CSMD1: variants seen among roughly 807,000 people sequenced by gnomAD.
The protein encoded by CSMD1 is CUB and Sushi multiple domains 1.
A neutral mutation model predicts 417.5 loss-of-function variants in CSMD1; 213 were observed. That is an observed-to-expected ratio of 0.51 (90% CI 0.46 to 0.57). The LOEUF is 0.57. CSMD1 is among the 20% of genes least tolerant of loss of function. CSMD1 has a pLI of 0.00. For missense variants in CSMD1, 6,923 were observed against 4,529.7 expected, an observed-to-expected ratio of 1.53 and a Z score of -15.17; for synonymous variants, 2,862 against 1,736.8, an observed-to-expected ratio of 1.65 and a Z score of -16.11.
At chr8:3,392,669 T>A (rs1811421451) in intron 17 of CSMD1, among the ~76,000 whole-genome samples, 1 of 152,084 alleles carries the variant, frequency 6.6e-6, no homozygotes, top group African/African-American at 2.4e-5. Context: ...GGATTCTGAT[T>A]TTCATCATGA....
chr8:4,394,610 G>T (rs1186734714), intron 3 of CSMD1, among the ~76,000 whole-genome samples: 1 of 152,124 alleles, frequency 6.6e-6, no homozygotes, highest in Non-Finnish European at 1.5e-5. Flanking sequence ...AGGAAGGTGA[G>T]ATGTTGTCAT....
rs775795930 is a variant in CSMD1, at chr8:3,189,056, A to T, written c.5399-45T>A. 2.5e-6 allele frequency: 4 copies of T among 1,571,208 alleles called. No individual in the cohort carries two copies. In the African/African-American group the frequency reaches 5.4e-5, roughly 21 times the overall value. On this transcript the variant is annotated intron_variant, in intron 34 of 69. Transcript: ENST00000635120. ...GTCATGAAATAAAGTGCTGTGGGAC[A>T]GTGTTGATTTGGCATGCAGTTTTCT...
At chr8:4,956,957 T>C (rs1196118345) in intron 1 of CSMD1, among the ~76,000 whole-genome samples, 2 of 152,174 alleles carry the variant, frequency 1.3e-5, no homozygotes, top group African/African-American at 2.4e-5. Flanking sequence ...AAGCAGCTAT[T>C]TGGGAAGCCT....
At chr8:3,081,590 T>G (rs1033895157) in intron 49 of CSMD1, among the ~76,000 whole-genome samples, 6 of 152,254 alleles carry the variant, frequency 3.9e-5, no homozygotes, top group Non-Finnish European at 8.8e-5. Flanking sequence ...ACATTCCCAA[T>G]TATCTCAATG....
At chr8:3,355,678 T>G (rs1042934420) in intron 21 of CSMD1, among the ~76,000 whole-genome samples, 1 of 152,168 alleles carries the variant, frequency 6.6e-6, no homozygotes, top group African/African-American at 2.4e-5. Context: ...CTGGCAAAAC[T>G]GAGAGATGCT....
At chr8:4,024,340 G>A (rs1324223512) in intron 4 of CSMD1, among the ~76,000 whole-genome samples, 1 of 152,074 alleles carries the variant, frequency 6.6e-6, no homozygotes, top group Non-Finnish European at 1.5e-5. Context: ...AACCAGAAAT[G>A]GTTAAATCTT....
intron 2 of CSMD1, among the ~76,000 whole-genome samples, chr8:4,514,576 A>C (rs574551516): frequency 1.3e-5 from 2 of 152,352 alleles, no homozygotes; most frequent in East Asian, 3.9e-4. Flanking sequence ...TTAGCTACTG[A>C]GACCGCTTGA....
intron 62 of CSMD1, among the ~76,000 whole-genome samples, chr8:2,959,349 T>G (rs1803272263): frequency 6.6e-6 from 1 of 152,190 alleles, no homozygotes; most frequent in African/African-American, 2.4e-5. Context: ...TTCTTCTGCC[T>G]GGGCCTCCCA....
chr8:2,990,093 T>C (rs1158746882), intron 54 of CSMD1, among the ~76,000 whole-genome samples: 1 of 152,232 alleles, frequency 6.6e-6, no homozygotes, highest in African/African-American at 2.4e-5. Flanking sequence ...GGACAACATT[T>C]GTGGACATTC....
intron 1 of CSMD1, among the ~76,000 whole-genome samples, chr8:4,748,598 G>T (rs1811106662): frequency 6.6e-6 from 1 of 152,174 alleles, no homozygotes; most frequent in Admixed American, 6.5e-5. Flanking sequence ...CTCACGGGGA[G>T]AAATCATAGT....
intron 18 of CSMD1, among the ~76,000 whole-genome samples, chr8:3,385,025 A>AGT: frequency 8.8e-6 from 1 of 113,038 alleles, no homozygotes; most frequent in South Asian, 2.4e-4. Flanking sequence ...ATAATATATA[A>AGT]ATATAATATA....
rs1297896897 is a variant in CSMD1 at position 3,484,391 on chromosome 8, A to G, written c.1448+9232T>C. Among the ~76,000 whole-genome samples, 5 of 152,360 alleles carry G rather than the reference A, an allele frequency of 3.3e-5. No individual in the cohort carries two copies. In the East Asian group the frequency reaches 7.7e-4, roughly 24 times the overall value. ...GTTGGATACACGAACTGCCAGGCAA[A>G]CCGTGAACCTCAACCTCTGTCTCAT... On this transcript the variant is annotated intron_variant, in intron 11 of 69. Coordinates refer to ENST00000635120, the MANE Select transcript of CSMD1 (RefSeq NM_033225.6).
chr8:4,842,510 A>C (rs1800902538), intron 1 of CSMD1, among the ~76,000 whole-genome samples: 4 of 152,214 alleles, frequency 2.6e-5, no homozygotes, highest in African/African-American at 4.8e-5. Context: ...TGACTTACTA[A>C]AAAATGTAGC....
intron 1 of CSMD1, among the ~76,000 whole-genome samples, chr8:4,960,871 T>G (rs963016640): frequency 6.6e-5 from 10 of 152,258 alleles, no homozygotes; most frequent in African/African-American, 1.9e-4. Context: ...AAATGTTTAT[T>G]TTTAAAAGAT....
chr8:4,958,347 G>T (rs530503352), intron 1 of CSMD1, among the ~76,000 whole-genome samples: 3 of 152,178 alleles, frequency 2.0e-5, no homozygotes, highest in East Asian at 3.9e-4. Flanking sequence ...AGTTAAAGGT[G>T]AACATGGTTG....
At chr8:4,630,172 T>C (rs1185979116) in intron 2 of CSMD1, among the ~76,000 whole-genome samples, 3 of 152,098 alleles carry the variant, frequency 2.0e-5, no homozygotes, top group African/African-American at 7.2e-5. Flanking sequence ...CAAACATAAT[T>C]ATTATCTCTC....
intron 3 of CSMD1, among the ~76,000 whole-genome samples, chr8:4,244,570 G>A (rs1348626935): frequency 6.6e-6 from 1 of 151,636 alleles, no homozygotes; most frequent in African/African-American, 2.4e-5. Flanking sequence ...GGAAAATACT[G>A]CGTAAATATC....
intron 15 of CSMD1, among the ~76,000 whole-genome samples, chr8:3,401,366 C>G (rs1304108551): frequency 6.6e-6 from 1 of 151,892 alleles, no homozygotes; most frequent in Non-Finnish European, 1.5e-5. Flanking sequence ...TCTAACTTGC[C>G]AAATATTAAT....
rs73659180 is a variant in CSMD1, at chr8:4,625,489, C to A, written c.302+11853G>T. Among the ~76,000 whole-genome samples the A allele has an allele frequency of 2.2e-3, 333 of 151,906 alleles. 2 individuals carry two copies. The highest frequency in any genetic ancestry group is 7.8e-3 in the African/African-American group (323 of 41,344). ...TCATCGTAAATACTCTGAATGAATC[C>A]ACCTTTGTAAAGCACATATGTTCCA... On this transcript the variant is annotated intron_variant, in intron 2 of 69. Transcript: ENST00000635120.
Sources: gnomAD v4.1 joint callset for allele counts (sites outside exome capture counted in the v4.1 genomes callset) on GRCh38, gnomAD v4.1.1 for gene constraint, MANE v1.5 for transcripts, NCBI Gene and HGNC (gene_info 2026-07-23, HGNC 2026-07-21) for gene names.